Variants in ARHGAP10 observed in about 807,000 individuals in gnomAD.
The protein encoded by ARHGAP10 is Rho GTPase activating protein 10.
Under a neutral mutation model 108.6 loss-of-function variants are expected in ARHGAP10, and 87 were observed. The ratio of observed to expected loss-of-function variants is 0.80; its 90% confidence interval spans 0.67 to 0.96. The LOEUF (loss-of-function observed/expected upper bound fraction) is 0.96. Among genes scored for constraint, ARHGAP10 ranks in the 40% least tolerant of loss-of-function variants. The pLI, the probability that ARHGAP10 is intolerant of heterozygous loss-of-function variation, is 0.00. For missense variants in ARHGAP10, 939 were observed against 954.5 expected (o/e 0.98, Z 0.21); for synonymous variants, 347 against 341.1 (o/e 1.02, Z -0.19).
intron 22 of ARHGAP10, among the ~76,000 whole-genome samples, chr4:148,064,950 C>T (rs1457278901): frequency 2.6e-5 from 4 of 152,152 alleles, no homozygotes; most frequent in Non-Finnish European, 5.9e-5. Context: ...TTTCTCTTAC[C>T]ATTTTTGTGC....
intron 20 of ARHGAP10, among the ~76,000 whole-genome samples, chr4:148,058,627 T>C (rs1729468153): frequency 6.6e-6 from 1 of 152,238 alleles, no homozygotes; most frequent in African/African-American, 2.4e-5. Context: ...GATCTGTCGC[T>C]GCCAGAATGT....
intron 11 of ARHGAP10, 106 bp downstream of exon 11, chr4:147,906,825 A>C: frequency 1.5e-6 from 2 of 1,320,474 alleles, no homozygotes; most frequent in Non-Finnish European, 2.1e-6. Flanking sequence ...CCCTTCTATA[A>C]CAGGTATTCC....
At chr4:147,898,274 G>A (rs1560815996) in intron 10 of ARHGAP10, among the ~76,000 whole-genome samples, 1 of 151,884 alleles carries the variant, frequency 6.6e-6, no homozygotes, top group Non-Finnish European at 1.5e-5. Flanking sequence ...CTTCATTTTT[G>A]ATGGATATAG....
chr4:147,799,250 G>T (rs939038665), intron 1 of ARHGAP10, among the ~76,000 whole-genome samples: 5 of 152,080 alleles, frequency 3.3e-5, no homozygotes, highest in Non-Finnish European at 5.9e-5. Context: ...ATGTTTGCCA[G>T]GCTGGTCACA....
At chr4:147,905,727 G>A (rs1214360450) in intron 10 of ARHGAP10, among the ~76,000 whole-genome samples, 1 of 148,954 alleles carries the variant, frequency 6.7e-6, no homozygotes, top group African/African-American at 2.4e-5. Flanking sequence ...CTCTTTTTTG[G>A]TTCCATATGA....
chr4:147,881,016 G>A (rs544216965), intron 9 of ARHGAP10, among the ~76,000 whole-genome samples: 122 of 152,338 alleles, frequency 8.0e-4, no homozygotes, highest in African/African-American at 2.7e-3. Context: ...GCTCACGCCT[G>A]TAATCCCAGC....
rs1431598835 is a variant in ARHGAP10 at position 147,982,397 on chromosome 4, TCTCA to T, written c.1716+15562_1716+15565del. On this transcript the variant is annotated intron_variant, in intron 18 of 22. Transcript: ENST00000336498. ...TTTTTTTTTTCTTTTTGAGACAGGG[TCTCA>T]CTCTGTTGCCCAGGCTGGAGTGCAG... Among the ~76,000 whole-genome samples, 7 of 147,302 alleles carry T rather than the reference TCTCA, an allele frequency of 4.8e-5. No individual in the cohort carries two copies. The East Asian group carries it at 1.4e-3, about 29-fold the overall frequency.
At chr4:147,978,057 C>T (rs758718631) in intron 18 of ARHGAP10, among the ~76,000 whole-genome samples, 18 of 152,184 alleles carry the variant, frequency 1.2e-4, no homozygotes, top group Non-Finnish European at 2.5e-4. Context: ...TCTTTATCCA[C>T]TCCACTATTG....
At chr4:147,904,068 C>T (rs182768023) in intron 10 of ARHGAP10, among the ~76,000 whole-genome samples, 1 of 152,238 alleles carries the variant, frequency 6.6e-6, no homozygotes, top group East Asian at 1.9e-4. Context: ...TTTTGCATTG[C>T]CACCAGCAAT....
intron 1 of ARHGAP10, among the ~76,000 whole-genome samples, chr4:147,754,891 C>G (rs1404328279): frequency 6.6e-6 from 1 of 151,970 alleles, no homozygotes; most frequent in Non-Finnish European, 1.5e-5. Context: ...GTCAGGAGCT[C>G]GAGACCAGCC....
At chr4:147,986,849 A>T (rs763422282) in intron 18 of ARHGAP10, among the ~76,000 whole-genome samples, 5 of 152,236 alleles carry the variant, frequency 3.3e-5, no homozygotes, top group South Asian at 2.1e-4. Flanking sequence ...TGCCAAATTC[A>T]CATAGTTGGT....
chr4:147,844,839 G>A (rs1400831154), intron 3 of ARHGAP10, among the ~76,000 whole-genome samples: 2 of 152,102 alleles, frequency 1.3e-5, no homozygotes, highest in East Asian at 1.9e-4. Flanking sequence ...CCGGTTTTCT[G>A]TACCTTTCAT....
At chr4:148,013,016 A>C (rs551810820) in intron 18 of ARHGAP10, among the ~76,000 whole-genome samples, 48 of 151,970 alleles carry the variant, frequency 3.2e-4, no homozygotes, top group Non-Finnish European at 4.9e-4. Flanking sequence ...CACCTTTGTA[A>C]CATGAATAAA....
In ARHGAP10 at chr4:147,906,737, T is replaced by C; in HGVS notation, c.1116+18T>C. Reference sequence around the variant, plus strand: ...AGGAAGCTGTAAGAATAATCAATGGTTGAGTTTTATTTCAAAGCCTTTAGA... The same window carrying C: ...AGGAAGCTGTAAGAATAATCAATGGCTGAGTTTTATTTCAAAGCCTTTAGA... On this transcript the variant is annotated intron_variant, in intron 11 of 22. Transcript: ENST00000336498. 4 of 1,613,336 alleles carry C rather than the reference T, an allele frequency of 2.5e-6. No individual in the cohort carries two copies. Among genetic ancestry groups the C allele is most frequent in the Non-Finnish European group, 3.4e-6 (4 of 1,179,308 alleles).
rs534125176 is a variant in ARHGAP10 at position 148,038,471 on chromosome 4, G to C, written c.1868-8421G>C. ...ATTTTCTTCTCAGAGCTGTTAGTCT[G>C]CCACTGTGACTTTTACCCAGAGGTG... On this transcript the variant is annotated intron_variant, in intron 19 of 22. Transcript: ENST00000336498. Among the ~76,000 whole-genome samples, 8 of 152,264 alleles carry C rather than the reference G, an allele frequency of 5.3e-5. No homozygotes were observed. In the South Asian group the frequency reaches 1.4e-3, roughly 28 times the overall value.
chr4:148,033,797 T>TTGGCACTAAC (rs1219090498), intron 19 of ARHGAP10, among the ~76,000 whole-genome samples: 1 of 152,226 alleles, frequency 6.6e-6, no homozygotes, highest in Non-Finnish European at 1.5e-5. Flanking sequence ...AGAGACTTCA[T>TTGGCACTAAC]TGGCACTAAC....
intron 1 of ARHGAP10, among the ~76,000 whole-genome samples, chr4:147,815,359 G>A (rs938483281): frequency 4.6e-5 from 7 of 152,164 alleles, no homozygotes; most frequent in African/African-American, 1.7e-4. Context: ...CAGAATGGTG[G>A]CCCTCCAGTG....
intron 13 of ARHGAP10, among the ~76,000 whole-genome samples, chr4:147,924,760 G>C (rs1326642939): frequency 6.6e-6 from 1 of 152,130 alleles, no homozygotes. Flanking sequence ...TAACCTCTCT[G>C]TGTCTTTATC....
chr4:147,831,088 C>T (rs1205010577), intron 3 of ARHGAP10, among the ~76,000 whole-genome samples: 1 of 152,232 alleles, frequency 6.6e-6, no homozygotes. Context: ...GCTGGTCTTT[C>T]ATGAAACTCT....
Sources: gnomAD v4.1 joint callset for allele counts (sites outside exome capture counted in the v4.1 genomes callset) on GRCh38, gnomAD v4.1.1 for gene constraint, MANE v1.5 for transcripts, NCBI Gene and HGNC (gene_info 2026-07-23, HGNC 2026-07-21) for gene names.